The following DENND5B variants were observed in gnomAD, a reference collection of about 807,000 sequenced individuals.
The protein encoded by DENND5B is DENN domain containing 5B.
Under a neutral mutation model 140.6 loss-of-function variants are expected in DENND5B, and 34 were observed. The observed-to-expected ratio is 0.24, with a 90% confidence interval of 0.18 to 0.32. The LOEUF (loss-of-function observed/expected upper bound fraction) is 0.32. Ranked by LOEUF, DENND5B falls within the 10% of genes least tolerant of loss-of-function variation. The pLI is 1.00. For missense variants in DENND5B, 1,142 were observed against 1,560.2 expected (o/e 0.73, Z 4.52); for synonymous variants, 551 against 562.1 (o/e 0.98, Z 0.28).
At chr12:31,539,035 C>A (rs1385878709) in intron 1 of DENND5B, among the ~76,000 whole-genome samples, 1 of 141,460 alleles carries the variant, frequency 7.1e-6, no homozygotes, top group African/African-American at 2.6e-5. Context: ...CTAAGTAAAA[C>A]CAGAGATAAA....
chr12:31,396,798 T>C (rs1386962489), intron 17 of DENND5B, among the ~76,000 whole-genome samples: 6 of 152,112 alleles, frequency 3.9e-5, no homozygotes, highest in Non-Finnish European at 8.8e-5. Flanking sequence ...ATTTTTGTTT[T>C]TTTAGTAGAG....
intron 2 of DENND5B, among the ~76,000 whole-genome samples, chr12:31,489,258 C>T (rs1407599655): frequency 6.6e-6 from 1 of 152,156 alleles, no homozygotes; most frequent in African/African-American, 2.4e-5. Context: ...CCTAACAACA[C>T]ATTTCTCAGA....
intron 15 of DENND5B, 125 bp from the exon 16 acceptor site, chr12:31,399,897 C>G (rs1941705435): frequency 6.2e-6 from 4 of 641,060 alleles, no homozygotes; most frequent in Non-Finnish European, 8.3e-6. Context: ...ATGTATTCAG[C>G]TATGCACTAG....
intron 8 of DENND5B, 62 bp downstream of exon 8, chr12:31,433,093 G>T (rs1943586275): frequency 1.5e-6 from 2 of 1,342,768 alleles, no homozygotes; most frequent in East Asian, 2.3e-5. Flanking sequence ...ACATCTGCTG[G>T]AAGGAATAAG....
At chr12:31,432,547 T>C (rs777555899) in intron 8 of DENND5B, 1 of 152,180 alleles carries the variant, frequency 6.6e-6, no homozygotes, top group Non-Finnish European at 1.5e-5. Context: ...GGAGCACTGC[T>C]TGAGCCCAGG....
In DENND5B at chr12:31,479,733, C is replaced by T. The variant is rs1259992039; in HGVS notation, c.760G>A (p.Val254Ile). ...CTGGGCCCAGGCCTCTGGCAGATGACAGGTTCATAAACACCATAAAATTTC... is the reference window on the plus strand; with the variant it reads ...CTGGGCCCAGGCCTCTGGCAGATGATAGGTTCATAAACACCATAAAATTTC... ...SLKFYGVYEP[V>I]ICQRPGPSEL... The change falls in exon 3 of 21, where the codon GTC becomes ATC. Residue 254 changes from valine (V) to isoleucine (I), a missense_variant. Physicochemically the swap from Val to Ile is conservative, Grantham distance 29. Coordinates refer to ENST00000389082, the MANE Select transcript of DENND5B (RefSeq NM_144973.4). The T allele has an allele frequency of 6.2e-7, 1 of 1,601,034 alleles. No individual in the cohort carries two copies. Among genetic ancestry groups the T allele is most frequent in the East Asian group, 2.2e-5 (1 of 44,486 alleles).
intron 3 of DENND5B, among the ~76,000 whole-genome samples, chr12:31,476,465 T>C (rs1001826094): frequency 2.0e-5 from 3 of 148,756 alleles, no homozygotes; most frequent in Non-Finnish European, 3.0e-5. Flanking sequence ...ATTGTCATAA[T>C]AGATCAGTGA....
chr12:31,446,560 A>G (rs746553790), intron 6 of DENND5B, among the ~76,000 whole-genome samples: 1 of 152,244 alleles, frequency 6.6e-6, no homozygotes, highest in African/African-American at 2.4e-5. Flanking sequence ...ACTGTTTTAA[A>G]TAAATATCCT....
At position 31,586,340 on chromosome 12, in the gene DENND5B, A is replaced by AC. The variant is rs1198752566; in HGVS notation, c.127+4365dup. On this transcript the variant is annotated intron_variant, in intron 1 of 20. Coordinates refer to ENST00000389082, the MANE Select transcript of DENND5B (RefSeq NM_144973.4). ...GGAATTTAAACATTTCTCCCAAAGG[A>AC]CGTTTTGTTCATGGGCAAAGTACCT... is the stretch of plus-strand genomic sequence containing the variant. Among the ~76,000 whole-genome samples the AC allele has an allele frequency of 2.0e-5, 3 of 152,270 alleles. No homozygotes were observed. In the East Asian group the frequency reaches 5.8e-4, roughly 29 times the overall value.
At chr12:31,495,071 T>A (rs897723149) in intron 2 of DENND5B, among the ~76,000 whole-genome samples, 1 of 152,130 alleles carries the variant, frequency 6.6e-6, no homozygotes, top group Non-Finnish European at 1.5e-5. Flanking sequence ...GCAATTAAGT[T>A]GCTTTTCATC....
chr12:31,423,122 G>A (rs1373850803), intron 11 of DENND5B, among the ~76,000 whole-genome samples: 1 of 151,894 alleles, frequency 6.6e-6, no homozygotes, highest in Non-Finnish European at 1.5e-5. Flanking sequence ...TGCATTTTTT[G>A]TAGAGATGGG....
chr12:31,582,774 CA>C (rs1950248923), intron 1 of DENND5B, among the ~76,000 whole-genome samples: 1 of 152,158 alleles, frequency 6.6e-6, no homozygotes, highest in African/African-American at 2.4e-5. Context: ...AAGATAATTT[CA>C]CTTGACGATA....
intron 11 of DENND5B, among the ~76,000 whole-genome samples, chr12:31,416,418 C>T (rs1262399752): frequency 6.6e-6 from 1 of 151,934 alleles, no homozygotes; most frequent in African/African-American, 2.4e-5. Flanking sequence ...AGTGCGCCAC[C>T]ACGCCCAGCT....
chr12:31,435,651 A>C (rs1395165612), intron 7 of DENND5B, among the ~76,000 whole-genome samples: 1 of 100,192 alleles, frequency 1.0e-5, no homozygotes, highest in Non-Finnish European at 2.0e-5. Flanking sequence ...ACGCTTTTTA[A>C]ATTTTGTTTT....
chr12:31,477,242 G>A (rs1034458349), intron 3 of DENND5B, among the ~76,000 whole-genome samples: 2 of 143,358 alleles, frequency 1.4e-5, no homozygotes, highest in Non-Finnish European at 3.1e-5. Context: ...AAAAAAAAAA[G>A]TTATTTTTTT....
At chr12:31,437,578 G>A (rs1281594090) in intron 7 of DENND5B, among the ~76,000 whole-genome samples, 1 of 152,092 alleles carries the variant, frequency 6.6e-6, no homozygotes, top group Admixed American at 6.5e-5. Flanking sequence ...GCTTTTAAAT[G>A]TTCCTGAAAT....
rs1280490168 is a variant in DENND5B at position 31,384,029 on chromosome 12, T to A, written c.*3574A>T. 2 of 152,182 alleles carry A rather than the reference T, an allele frequency of 1.3e-5. No homozygotes were observed. The highest frequency in any genetic ancestry group is 1.3e-4 in the Admixed American group (2 of 15,264). 9.4% of individuals were successfully genotyped at this position (152,182 alleles called of 1,614,324 possible). A position where few individuals can be genotyped will look rare whatever the true frequency, so the allele number is the denominator to read the frequency against. On this transcript the variant is annotated 3_prime_UTR_variant, in exon 21 of 21. Transcript: ENST00000389082. ...GTAATCCTAAAGCAATGTATTAATT[T>A]AAAAAATTACCACAGCAGAAAAGAT...
intron 14 of DENND5B, among the ~76,000 whole-genome samples, chr12:31,403,993 G>T (rs1052849201): frequency 2.0e-5 from 3 of 151,484 alleles, no homozygotes; most frequent in African/African-American, 4.9e-5. Flanking sequence ...GGCTGAGGTG[G>T]GCAGATCACT....
intron 6 of DENND5B, 81 bp downstream of exon 6, chr12:31,447,457 T>C: frequency 8.1e-7 from 1 of 1,234,248 alleles, no homozygotes; most frequent in Non-Finnish European, 1.1e-6. Context: ...AAAATTAATT[T>C]TGTTGTACGT....
Sources: gnomAD v4.1 joint callset for allele counts (sites outside exome capture counted in the v4.1 genomes callset) on GRCh38, gnomAD v4.1.1 for gene constraint, MANE v1.5 for transcripts, NCBI Gene and HGNC (gene_info 2026-07-23, HGNC 2026-07-21) for gene names.